NEK11: variants seen among roughly 807,000 people sequenced by gnomAD.
The protein encoded by NEK11 is NIMA related kinase 11, also known as serine/threonine-protein kinase Nek11.
NEK11 carries 72 observed loss-of-function variants against 80.7 expected under a neutral mutation model. The observed-to-expected ratio is 0.89, with a 90% CI of 0.74 to 1.08. NEK11 has a LOEUF of 1.08. Among genes scored for constraint, NEK11 ranks in the 50% least tolerant of loss-of-function variants. The pLI, the probability that NEK11 is intolerant of heterozygous loss-of-function variation, is 0.00. For missense variants in NEK11, 764 were observed against 763.6 expected, an observed-to-expected ratio of 1.00 and a Z score of -0.01; for synonymous variants, 251 against 260.7, an observed-to-expected ratio of 0.96 and a Z score of 0.36.
At chr3:131,163,960 A>G (rs1359215796) in intron 11 of NEK11, among the ~76,000 whole-genome samples, 1 of 152,160 alleles carries the variant, frequency 6.6e-6, no homozygotes, top group Non-Finnish European at 1.5e-5. Flanking sequence ...TTGGTAGTTT[A>G]GGAGCCCCAA....
At chr3:131,344,261 C>T (rs1013778908) in intron 17 of NEK11, among the ~76,000 whole-genome samples, 3 of 152,200 alleles carry the variant, frequency 2.0e-5, no homozygotes, top group African/African-American at 7.2e-5. Flanking sequence ...AGGGCATAGA[C>T]AGAATGCAGC....
At chr3:131,347,938 C>T (rs1270108961) in intron 17 of NEK11, among the ~76,000 whole-genome samples, 4 of 151,916 alleles carry the variant, frequency 2.6e-5, no homozygotes, top group Admixed American at 2.6e-4. Context: ...AAATACACAT[C>T]CTGGTTTTTC....
chr3:131,160,805 C>A (rs1004241005), intron 10 of NEK11, among the ~76,000 whole-genome samples: 2 of 152,008 alleles, frequency 1.3e-5, no homozygotes, highest in African/African-American at 4.8e-5. Flanking sequence ...GACTTTATAC[C>A]AACAATAATC....
chr3:131,040,260 A>T (rs1452940981), intron 3 of NEK11, among the ~76,000 whole-genome samples: 1 of 152,070 alleles, frequency 6.6e-6, no homozygotes, highest in Non-Finnish European at 1.5e-5. Flanking sequence ...GAACATACTT[A>T]TTAGTACAGT....
chr3:131,265,462 A>G (rs1052056707), intron 16 of NEK11, among the ~76,000 whole-genome samples: 4 of 152,122 alleles, frequency 2.6e-5, no homozygotes, highest in Non-Finnish European at 5.9e-5. Flanking sequence ...TTCTGTGTCT[A>G]TTGAGATAAT....
At chr3:131,286,808 T>C (rs1164948633) in intron 17 of NEK11, among the ~76,000 whole-genome samples, 2 of 152,174 alleles carry the variant, frequency 1.3e-5, no homozygotes, top group African/African-American at 4.8e-5. Flanking sequence ...TATGAAGATA[T>C]TGACAAAAAA....
intron 5 of NEK11, among the ~76,000 whole-genome samples, chr3:131,117,418 G>C (rs145323228): frequency 0.012 from 1,812 of 152,110 alleles, 44 homozygotes; most frequent in African/African-American, 0.042. Context: ...GTGATGCCTC[G>C]AGCTTTGTTC....
At chr3:131,042,000 T>G (rs1345274489) in intron 3 of NEK11, among the ~76,000 whole-genome samples, 1 of 151,924 alleles carries the variant, frequency 6.6e-6, no homozygotes, top group Non-Finnish European at 1.5e-5. Context: ...GTGCAAGGGG[T>G]TGGGGAGCTC....
At chr3:131,209,163 T>C (rs1392801230) in intron 14 of NEK11, among the ~76,000 whole-genome samples, 1 of 152,190 alleles carries the variant, frequency 6.6e-6, no homozygotes, top group African/African-American at 2.4e-5. Context: ...TATTGAGAGT[T>C]TTTAGCATGA....
In NEK11 at chr3:131,162,460, A is replaced by G. The variant is rs1285522072; in HGVS notation, c.1015A>G (p.Met339Val). 6.2e-7 allele frequency: 1 copy of G among 1,614,024 alleles called. No homozygotes were observed. The highest frequency in any genetic ancestry group is 1.3e-5 in the African/African-American group (1 of 74,934). Reference protein sequence around the residue: ...TLRALSEVQKMTPRERMRLRK... With the variant: ...TLRALSEVQKVTPRERMRLRK... The stretch of plus-strand genomic sequence containing the variant: ...GAGGGCACTGTCAGAAGTACAGAAA[A>G]TGACGCCAAGAGAAAGGATGCGGCT... Residue 339 changes from methionine (M) to valine (V), a missense_variant, in exon 11 of 18, where the codon ATG becomes GTG. Transcript: ENST00000383366.
intron 15 of NEK11, among the ~76,000 whole-genome samples, chr3:131,239,569 C>T (rs996020751): frequency 1.3e-5 from 2 of 152,128 alleles, no homozygotes; most frequent in African/African-American, 2.4e-5. Flanking sequence ...TGATATGTGC[C>T]AAGCCTTCTC....
At chr3:131,247,549 A>G (rs1434647578) in intron 16 of NEK11, among the ~76,000 whole-genome samples, 1 of 152,104 alleles carries the variant, frequency 6.6e-6, no homozygotes, top group Non-Finnish European at 1.5e-5. Flanking sequence ...GTTTGAAGTC[A>G]GGTAATGTGA....
chr3:131,052,696 T>C (rs2068642909), intron 3 of NEK11, among the ~76,000 whole-genome samples: 1 of 152,184 alleles, frequency 6.6e-6, no homozygotes, highest in African/African-American at 2.4e-5. Context: ...TGTAAAATTG[T>C]CTAGTTTTCT....
chr3:131,218,569 G>A (rs374521523), intron 14 of NEK11, among the ~76,000 whole-genome samples: 11 of 152,252 alleles, frequency 7.2e-5, no homozygotes, highest in African/African-American at 7.2e-5. Context: ...CTGAGTCCCC[G>A]CTAAAAGCCA....
intron 16 of NEK11, among the ~76,000 whole-genome samples, chr3:131,267,042 T>C (rs780169562): frequency 4.6e-5 from 7 of 152,330 alleles, no homozygotes; most frequent in East Asian, 1.9e-4. Context: ...ATTTGCTTGG[T>C]AAATATTATT....
rs1581225714 is a variant in NEK11 at position 131,273,488 on chromosome 3, C to T, written c.1632C>T (p.Thr544=). 6.2e-7 allele frequency: 1 copy of T among 1,613,752 alleles called. No individual in the cohort carries two copies. The highest frequency in any genetic ancestry group is 2.2e-5 in the East Asian group (1 of 44,868). The change falls in exon 17 of 18, where the codon ACC becomes ACT. Residue 544 remains threonine, a synonymous_variant. Transcript: ENST00000383366. ...TGCATTGATTTTCAGACACAAAGACCATCACCACCATGGCTGAAGACATGT... is the reference window on the plus strand; with the variant it reads ...TGCATTGATTTTCAGACACAAAGACTATCACCACCATGGCTGAAGACATGT... ...VLGCTSLDTK[T]ITTMAEDMSP... is the part of the protein sequence containing the mutation.
chr3:131,295,022 T>C (rs1050363460), intron 17 of NEK11, among the ~76,000 whole-genome samples: 1 of 152,116 alleles, frequency 6.6e-6, no homozygotes, highest in Admixed American at 6.6e-5. Flanking sequence ...TTTTGTTTTT[T>C]GATCCACCCT....
At chr3:131,342,302 C>T (rs2097298822) in intron 17 of NEK11, among the ~76,000 whole-genome samples, 1 of 152,188 alleles carries the variant, frequency 6.6e-6, no homozygotes, top group Non-Finnish European at 1.5e-5. Context: ...ATTCCGGATG[C>T]TTGTTAGCAC....
chr3:131,260,417 A>G (rs1191051273), intron 16 of NEK11, among the ~76,000 whole-genome samples: 1 of 152,178 alleles, frequency 6.6e-6, no homozygotes, highest in African/African-American at 2.4e-5. Context: ...GCTCAGAATC[A>G]TGATGAATCT....
Sources: allele counts gnomAD v4.1 joint callset (sites outside exome capture counted in the v4.1 genomes callset), GRCh38; gene constraint gnomAD v4.1.1; transcripts MANE v1.5; gene names NCBI Gene and HGNC (gene_info 2026-07-23, HGNC 2026-07-21).